PRKCE: variants seen among roughly 807,000 people sequenced by gnomAD.
PRKCE encodes protein kinase C epsilon, also known as protein kinase C epsilon type.
PRKCE carries 16 observed loss-of-function variants against 85.4 expected under a neutral mutation model. That is an observed-to-expected ratio of 0.19 (90% confidence interval 0.13 to 0.28). The LOEUF (loss-of-function observed/expected upper bound fraction) is 0.28. Among genes scored for constraint, PRKCE ranks in the 10% least tolerant of loss-of-function variants. The pLI is 1.00. For missense variants in PRKCE, 573 were observed against 975.2 expected (o/e 0.59, Z 5.49); for synonymous variants, 388 against 371.5 (o/e 1.04, Z -0.51).
At chr2:45,713,169 G>C (rs1490100207) in intron 1 of PRKCE, among the ~76,000 whole-genome samples, 1 of 152,100 alleles carries the variant, frequency 6.6e-6, no homozygotes, top group Non-Finnish European at 1.5e-5. Flanking sequence ...CTCTTATAAA[G>C]GTGAAGTGGA....
rs1336193168 is a variant in PRKCE at position 45,896,140 on chromosome 2, G to A, written c.412+53077G>A. ...TGCCTTGTCCGAGTCAGTTAACCTC[G>A]CTCTTTGTAGGTTGATTAAATGGTC... is the stretch of plus-strand genomic sequence containing the variant. On this transcript the variant is annotated intron_variant, in intron 2 of 14. Coordinates refer to ENST00000306156, the MANE Select transcript of PRKCE (RefSeq NM_005400.3). Among the ~76,000 whole-genome samples, 4 of 152,146 alleles carry A rather than the reference G, an allele frequency of 2.6e-5. No homozygotes were observed. The South Asian group carries it at 6.2e-4, about 24-fold the overall frequency.
intron 1 of PRKCE, among the ~76,000 whole-genome samples, chr2:45,742,378 T>C (rs1682652715): frequency 6.6e-6 from 1 of 151,690 alleles, no homozygotes; most frequent in Admixed American, 6.6e-5. Context: ...AAGGCTGCGA[T>C]GAGCTATGAT....
intron 2 of PRKCE, among the ~76,000 whole-genome samples, chr2:45,915,226 C>T (rs1007816616): frequency 2.0e-5 from 3 of 152,156 alleles, no homozygotes; most frequent in Non-Finnish European, 4.4e-5. Context: ...TTGTTCTTTC[C>T]ACCTGATGAT....
chr2:45,947,146 A>G (rs185458446), intron 2 of PRKCE, among the ~76,000 whole-genome samples: 272 of 152,394 alleles, frequency 1.8e-3, no homozygotes, highest in Non-Finnish European at 2.8e-3. Flanking sequence ...AATAAAAAAG[A>G]AATGAAGTCT....
intron 1 of PRKCE, among the ~76,000 whole-genome samples, chr2:45,793,924 G>C (rs1436833905): frequency 6.6e-6 from 1 of 152,012 alleles, no homozygotes; most frequent in Non-Finnish European, 1.5e-5. Flanking sequence ...GGTTCGGATT[G>C]GTTCTAGTTA....
chr2:46,116,152 C>T (rs1282960320), intron 11 of PRKCE, among the ~76,000 whole-genome samples: 2 of 152,184 alleles, frequency 1.3e-5, no homozygotes, highest in African/African-American at 2.4e-5. Context: ...TGCTAGCTAG[C>T]CCTTGGAGAT....
chr2:45,976,338 C>T, intron 2 of PRKCE, 91 bp from the exon 3 acceptor site: 1 of 1,450,368 alleles, frequency 6.9e-7, no homozygotes, highest in Non-Finnish European at 9.3e-7. Flanking sequence ...GCTCCACTCC[C>T]CCAGGGATGG....
chr2:45,745,668 T>G (rs1156371848), intron 1 of PRKCE, among the ~76,000 whole-genome samples: 2 of 152,140 alleles, frequency 1.3e-5, no homozygotes, highest in African/African-American at 4.8e-5. Flanking sequence ...TGGCGGCTAA[T>G]GAGATGCCTG....
At chr2:45,833,152 A>G (rs56209457) in intron 1 of PRKCE, among the ~76,000 whole-genome samples, 3 of 151,578 alleles carry the variant, frequency 2.0e-5, no homozygotes, top group African/African-American at 7.3e-5. Context: ...AAAAAAAAAA[A>G]AGAAAAGAAA....
chr2:45,838,039 C>G (rs936348665), intron 1 of PRKCE, among the ~76,000 whole-genome samples: 1 of 152,198 alleles, frequency 6.6e-6, no homozygotes, highest in Non-Finnish European at 1.5e-5. Context: ...GTGGGTTGGG[C>G]TCTTCCCCAT....
chr2:46,110,741 A>G (rs1473741021), intron 11 of PRKCE, among the ~76,000 whole-genome samples: 1 of 151,590 alleles, frequency 6.6e-6, no homozygotes, highest in Non-Finnish European at 1.5e-5. Context: ...CCTTAGGTTT[A>G]AATTGCTCTT....
intron 2 of PRKCE, among the ~76,000 whole-genome samples, chr2:45,934,130 C>T (rs1297013574): frequency 6.6e-6 from 1 of 152,208 alleles, no homozygotes; most frequent in Admixed American, 6.5e-5. Flanking sequence ...ACGCTCAGGG[C>T]ACACTTGAAA....
At chr2:45,793,571 G>A (rs1687193893) in intron 1 of PRKCE, among the ~76,000 whole-genome samples, 1 of 152,154 alleles carries the variant, frequency 6.6e-6, no homozygotes, top group Non-Finnish European at 1.5e-5. Context: ...ACTCCAGACG[G>A]TGGCCTCAGC....
At position 46,139,667 on chromosome 2, in the gene PRKCE, C is replaced by CATAT. The variant is rs373753187; in HGVS notation, c.1593-5415_1593-5412dup. Among the ~76,000 whole-genome samples the CATAT allele has an allele frequency of 6.8e-6, 1 of 146,200 alleles. No individual in the cohort carries two copies. The highest frequency in any genetic ancestry group is 2.6e-5 in the African/African-American group (1 of 39,050). ...GCAATATACAGAATATATAGAGGAA[C>CATAT]ATATATATATATATGCGTATATATA... On this transcript the variant is annotated intron_variant, in intron 11 of 14. Coordinates refer to ENST00000306156, the MANE Select transcript of PRKCE (RefSeq NM_005400.3). This position sits in a 1 kb window ranked among gnomAD's most constrained non-coding sequence, Gnocchi z 5.2.
intron 1 of PRKCE, among the ~76,000 whole-genome samples, chr2:45,822,706 A>C (rs1264834071): frequency 6.6e-6 from 1 of 152,174 alleles, no homozygotes; most frequent in African/African-American, 2.4e-5. Context: ...AAGACGTCCG[A>C]ATCCGTGTCA....
intron 10 of PRKCE, among the ~76,000 whole-genome samples, chr2:46,081,396 C>T (rs1420279292): frequency 1.3e-5 from 2 of 152,224 alleles, no homozygotes; most frequent in Non-Finnish European, 2.9e-5. Flanking sequence ...CAGGTTAGTT[C>T]AATTCCCTTA....
chr2:46,100,808 C>T (rs1262527570), intron 11 of PRKCE, among the ~76,000 whole-genome samples: 3 of 152,266 alleles, frequency 2.0e-5, no homozygotes, highest in African/African-American at 4.8e-5. Flanking sequence ...AAGAAGAGCA[C>T]ATTCTGTCTC....
chr2:46,064,383 T>A (rs1332456763), intron 10 of PRKCE, among the ~76,000 whole-genome samples: 1 of 152,100 alleles, frequency 6.6e-6, no homozygotes, highest in Middle Eastern at 3.2e-3. Context: ...GCAAATGAAG[T>A]TCATATGAAT....
chr2:45,815,815 C>T (rs912851670), intron 1 of PRKCE, among the ~76,000 whole-genome samples: 2 of 152,168 alleles, frequency 1.3e-5, no homozygotes, highest in African/African-American at 4.8e-5. Flanking sequence ...CTAGTAGATT[C>T]TAGTTCTGCC....
Sources: gnomAD v4.1 joint callset for allele counts (sites outside exome capture counted in the v4.1 genomes callset) on GRCh38, gnomAD v4.1.1 for gene constraint, Gnocchi (gnomAD v3.1) non-coding constraint, MANE v1.5 for transcripts, NCBI Gene and HGNC (gene_info 2026-07-23, HGNC 2026-07-21) for gene names.